LRRTM4: variants seen among roughly 807,000 people sequenced by gnomAD.
LRRTM4 encodes leucine-rich repeat transmembrane neuronal protein 4.
LRRTM4 carries 25 observed loss-of-function variants against 47.6 expected under a neutral mutation model. The observed-to-expected ratio is 0.53, with a 90% CI of 0.38 to 0.73. The LOEUF is 0.73. LRRTM4 is among the 30% of genes least tolerant of loss of function. LRRTM4 has a pLI of 0.00. For missense variants in LRRTM4, 638 were observed against 713.4 expected (o/e 0.89, Z 1.20); for synonymous variants, 311 against 269.5 (o/e 1.15, Z -1.51).
intron 3 of LRRTM4, among the ~76,000 whole-genome samples, chr2:76,913,152 C>A (rs767674868): frequency 2.0e-5 from 3 of 152,118 alleles, no homozygotes; most frequent in Non-Finnish European, 2.9e-5. Context: ...ATCTGTCTTT[C>A]CTGCTTTGCT....
intron 3 of LRRTM4, among the ~76,000 whole-genome samples, chr2:77,052,205 C>T (rs538058837): frequency 8.0e-6 from 1 of 125,142 alleles, no homozygotes; most frequent in South Asian, 2.5e-4. Context: ...CTCTTGTTGC[C>T]CAGGCTGGAG....
At chr2:77,370,840 T>C (rs1417934166) in intron 3 of LRRTM4, among the ~76,000 whole-genome samples, 1 of 151,704 alleles carries the variant, frequency 6.6e-6, no homozygotes, top group South Asian at 2.1e-4. Context: ...TTTCCATCAG[T>C]CACAGCTCTT....
intron 3 of LRRTM4, among the ~76,000 whole-genome samples, chr2:77,088,102 C>T (rs1680786560): frequency 2.6e-5 from 4 of 152,160 alleles, no homozygotes. Flanking sequence ...AATGATTGGT[C>T]TTGCCTGAAC....
At chr2:77,090,956 C>T (rs181136813) in intron 3 of LRRTM4, among the ~76,000 whole-genome samples, 2,168 of 152,180 alleles carry the variant, frequency 0.014, 14 homozygotes, top group Non-Finnish European at 0.023. Context: ...ACGGAGGCTA[C>T]CCGCTCCACA....
chr2:76,977,356 A>T (rs1393901669), intron 3 of LRRTM4, among the ~76,000 whole-genome samples: 1 of 151,758 alleles, frequency 6.6e-6, no homozygotes, highest in Admixed American at 6.6e-5. Flanking sequence ...ATATAAATAC[A>T]AACACCCAAA....
chr2:77,047,453 T>C (rs1679272085), intron 3 of LRRTM4, among the ~76,000 whole-genome samples: 1 of 152,000 alleles, frequency 6.6e-6, no homozygotes, highest in Non-Finnish European at 1.5e-5. Context: ...GTTGGTTCCT[T>C]CTGAGAGCTG....
intron 3 of LRRTM4, among the ~76,000 whole-genome samples, chr2:77,023,514 G>A (rs1678346412): frequency 6.6e-6 from 1 of 152,158 alleles, no homozygotes; most frequent in Admixed American, 6.5e-5. Flanking sequence ...TTTTAATACT[G>A]AATGTTTTTA....
chr2:77,185,228 C>T (rs1573051046), intron 3 of LRRTM4, among the ~76,000 whole-genome samples: 1 of 152,288 alleles, frequency 6.6e-6, no homozygotes, highest in Non-Finnish European at 1.5e-5. Flanking sequence ...ATGTTCTGGT[C>T]TGCTGTCTGT....
At chr2:77,133,848 A>G (rs2028347) in intron 3 of LRRTM4, among the ~76,000 whole-genome samples, 56,049 of 152,080 alleles carry the variant, frequency 0.37, 11,607 homozygotes, top group African/African-American at 0.56. Context: ...GTGACTAAAC[A>G]AAATTTGTGA....
At chr2:77,164,120 C>A (rs1672811701) in intron 3 of LRRTM4, among the ~76,000 whole-genome samples, 1 of 152,066 alleles carries the variant, frequency 6.6e-6, no homozygotes, top group South Asian at 2.1e-4. Flanking sequence ...GGAAAATCTA[C>A]CAAGCAAATG....
chr2:77,380,665 G>A (rs1024202989), intron 3 of LRRTM4, among the ~76,000 whole-genome samples: 1 of 151,766 alleles, frequency 6.6e-6, no homozygotes, highest in Non-Finnish European at 1.5e-5. Flanking sequence ...GCCTGGATGT[G>A]CGTGCCTGTA....
chr2:76,897,759 G>T (rs1167867228), intron 3 of LRRTM4, among the ~76,000 whole-genome samples: 1 of 152,114 alleles, frequency 6.6e-6, no homozygotes, highest in East Asian at 1.9e-4. Flanking sequence ...GAACTTGGAG[G>T]CATGTTAATT....
Position 77,060,568 on chromosome 2 carries a change from A to G in LRRTM4, c.1552-311652T>C, listed in dbSNP as rs1679754293. Reference sequence around the variant, plus strand: ...AAACCCAGCATAAAAACATGGGATTATAATAGATAATTTAACAATTATTTT... The same window carrying G: ...AAACCCAGCATAAAAACATGGGATTGTAATAGATAATTTAACAATTATTTT... On this transcript the variant is annotated intron_variant, in intron 3 of 3. Transcript: ENST00000409884. Among the ~76,000 whole-genome samples the G allele has an allele frequency of 2.6e-5, 4 of 152,196 alleles. No homozygotes were observed. In the South Asian group the frequency reaches 8.3e-4, roughly 31 times the overall value.
At chr2:77,463,341 A>C (rs543661210) in intron 3 of LRRTM4, among the ~76,000 whole-genome samples, 1 of 152,144 alleles carries the variant, frequency 6.6e-6, no homozygotes, top group Non-Finnish European at 1.5e-5. Flanking sequence ...ATTGTAAATA[A>C]CAAAACCCTT....
intron 3 of LRRTM4, among the ~76,000 whole-genome samples, chr2:76,753,859 G>A (rs1672933247): frequency 6.6e-6 from 1 of 152,166 alleles, no homozygotes. Flanking sequence ...TTATGAGCAT[G>A]AAATTCCGAT....
chr2:76,825,983 G>A (rs1336278162), intron 3 of LRRTM4, among the ~76,000 whole-genome samples: 4 of 151,702 alleles, frequency 2.6e-5, no homozygotes, highest in African/African-American at 9.7e-5. Context: ...TGAACATTGG[G>A]TTTGCTAACA....
At chr2:77,109,964 T>TA (rs1167090837) in intron 3 of LRRTM4, among the ~76,000 whole-genome samples, 1 of 151,466 alleles carries the variant, frequency 6.6e-6, no homozygotes, top group Non-Finnish European at 1.5e-5. Flanking sequence ...CTGAAGAGAT[T>TA]AAAAAAATAT....
intron 3 of LRRTM4, among the ~76,000 whole-genome samples, chr2:77,345,047 A>G (rs1423794225): frequency 6.6e-6 from 1 of 151,270 alleles, no homozygotes. Context: ...ACTGTAATTA[A>G]TTATACAAAT....
intron 3 of LRRTM4, among the ~76,000 whole-genome samples, chr2:76,917,789 T>C (rs531569907): frequency 6.6e-6 from 1 of 152,270 alleles, no homozygotes; most frequent in Admixed American, 6.5e-5. Flanking sequence ...ACAAGTAGGA[T>C]ACTTGTGTCC....
Sources: allele counts gnomAD v4.1 joint callset (sites outside exome capture counted in the v4.1 genomes callset), GRCh38; gene constraint gnomAD v4.1.1; transcripts MANE v1.5; gene names NCBI Gene and HGNC (gene_info 2026-07-23, HGNC 2026-07-21).